CFAP44: variants seen among roughly 807,000 people sequenced by gnomAD.
CFAP44 encodes cilia- and flagella-associated protein 44.
A neutral mutation model predicts 216.2 loss-of-function variants in CFAP44; 134 were observed. The observed-to-expected ratio is 0.62, with a 90% CI of 0.54 to 0.72. CFAP44 has a LOEUF of 0.72. Ranked by LOEUF, CFAP44 falls within the 30% of genes least tolerant of loss-of-function variation. The pLI is 0.00. For missense variants in CFAP44, 2,035 were observed against 2,182.1 expected (o/e 0.93, Z 1.34); for synonymous variants, 700 against 727.6 (o/e 0.96, Z 0.61).
chr3:113,420,085 G>T lies in CFAP44; in HGVS notation c.502C>A (p.Leu168Met). ...ATCTGTTCCTTGGTTTTCAAATTCAGAAAGATCAGTTGGTTCCCAGCTATG... is the reference window on the plus strand; with the variant it reads ...ATCTGTTCCTTGGTTTTCAAATTCATAAAGATCAGTTGGTTCCCAGCTATG... ...IYIAGNQLIF[L>M]NLKTKEQIYL... The change falls in exon 5 of 35, where the codon CTG (leucine) becomes ATG (methionine). Residue 168 changes from leucine (L) to methionine (M), a missense_variant. Leu to Met is a conservative substitution (Grantham distance 15, BLOSUM62 2). Around this residue, in one of 3 missense-constraint regions of CFAP44, gnomAD observed 1,883 missense variants for 2,023.7 expected, o/e 0.93. Transcript: ENST00000393845. 1 of 1,613,940 alleles carries T rather than the reference G, an allele frequency of 6.2e-7. No homozygotes were observed. Among genetic ancestry groups the T allele is most frequent in the African/African-American group, 1.3e-5 (1 of 75,028 alleles).
intron 2 of CFAP44, among the ~76,000 whole-genome samples, chr3:113,433,335 A>G (rs1559949181): frequency 6.7e-6 from 1 of 148,876 alleles, no homozygotes; most frequent in Non-Finnish European, 1.5e-5. Flanking sequence ...AGGCTGAGGC[A>G]GGAGAATCAC....
intron 4 of CFAP44, among the ~76,000 whole-genome samples, chr3:113,422,189 C>G (rs377418753): frequency 6.6e-5 from 10 of 152,214 alleles, no homozygotes; most frequent in Admixed American, 3.3e-4. Context: ...CAGATAGATT[C>G]TTTGTTCACA....
At chr3:113,410,609 C>CATG (rs1934438440) in intron 6 of CFAP44, among the ~76,000 whole-genome samples, 1 of 152,148 alleles carries the variant, frequency 6.6e-6, no homozygotes, top group Admixed American at 6.5e-5. Flanking sequence ...AATGAACATA[C>CATG]ATGTGCATGT....
chr3:113,363,272 T>C lies in CFAP44; in HGVS notation c.2807A>G (p.Lys936Arg), dbSNP rs761245186. 14 of 1,612,648 alleles carry C rather than the reference T, an allele frequency of 8.7e-6. No homozygotes were observed. The highest frequency in any genetic ancestry group is 1.2e-5 in the Non-Finnish European group (14 of 1,179,700). The change falls in exon 21 of 35, where the codon AAG becomes AGG. Residue 936 changes from lysine to arginine, a missense_variant. Around this residue, in one of 3 missense-constraint regions of CFAP44, gnomAD observed 1,883 missense variants for 2,023.7 expected, o/e 0.93. Transcript: ENST00000393845. ...TATTTCTCCCACTTCTTTCATTAACTTGTCATGTTCTCTTTTTCTCCTAGC... is the reference window on the plus strand; with the variant it reads ...TATTTCTCCCACTTCTTTCATTAACCTGTCATGTTCTCTTTTTCTCCTAGC... Reference protein sequence around the residue: ...ENARRKREHDKLMKEVGEIKA... With the variant: ...ENARRKREHDRLMKEVGEIKA...
intron 21 of CFAP44, among the ~76,000 whole-genome samples, chr3:113,359,975 CACAG>C (rs929398250): frequency 2.0e-5 from 3 of 151,652 alleles, no homozygotes; most frequent in African/African-American, 4.9e-5. Flanking sequence ...GAAATAGAAG[CACAG>C]ACAATCAAAT....
Position 113,373,403 on chromosome 3 carries a change from C to G in CFAP44, c.2444+8G>C. On this transcript the variant is annotated splice_region_variant and intron_variant, in intron 18 of 34. Coordinates refer to ENST00000393845, the MANE Select transcript of CFAP44 (RefSeq NM_001164496.2). ...GGTTTTTTTAAAGCTTTTTGAAATA[C>G]TGCTCACTTGAAAGTGATAGTTTGG... The G allele has an allele frequency of 6.5e-7, 1 of 1,538,582 alleles. No homozygotes were observed. The highest frequency in any genetic ancestry group is 8.8e-7 in the Non-Finnish European group (1 of 1,139,450).
chr3:113,431,626 A>C (rs1935108433), intron 2 of CFAP44, among the ~76,000 whole-genome samples: 2 of 152,162 alleles, frequency 1.3e-5, no homozygotes, highest in South Asian at 4.1e-4. Flanking sequence ...GGACAGGAAG[A>C]CTGAGGTAGA....
At chr3:113,329,563 G>A (rs893047610) in intron 26 of CFAP44, among the ~76,000 whole-genome samples, 1 of 152,210 alleles carries the variant, frequency 6.6e-6, no homozygotes, top group African/African-American at 2.4e-5. Flanking sequence ...GAATCTACAT[G>A]GCTGACAGCA....
intron 24 of CFAP44, 45 bp downstream of exon 24, chr3:113,341,699 G>C: frequency 7.2e-7 from 1 of 1,394,902 alleles, no homozygotes; most frequent in Non-Finnish European, 9.3e-7. Flanking sequence ...TTATTTTGGG[G>C]CTCACATATT....
In CFAP44 at chr3:113,381,076, T is replaced by C. The variant is rs770208543; in HGVS notation, c.1891-16A>G. ...TACTTTCAGGCTAAAAAAGAAAAATTGAACATATTTACATTTAGGCAAATT... is the reference window on the plus strand; with the variant it reads ...TACTTTCAGGCTAAAAAAGAAAAATCGAACATATTTACATTTAGGCAAATT... On this transcript the variant is annotated splice_polypyrimidine_tract_variant and intron_variant, in intron 15 of 34. Coordinates refer to ENST00000393845, the MANE Select transcript of CFAP44 (RefSeq NM_001164496.2). 2.6e-6 allele frequency: 4 copies of C among 1,537,850 alleles called. No homozygotes were observed. Among genetic ancestry groups the C allele is most frequent in the Admixed American group, 4.4e-5 (2 of 45,748 alleles).
rs1262330216 is a variant in CFAP44, at chr3:113,327,746, T to C, written c.4190A>G (p.Gln1397Arg). The change falls in exon 27 of 35, where the codon CAG (glutamine) becomes CGG (arginine). Residue 1397 changes from glutamine (Q) to arginine (R), a missense_variant. Around this residue, in one of 3 missense-constraint regions of CFAP44, gnomAD observed 1,883 missense variants for 2,023.7 expected, o/e 0.93. Coordinates refer to ENST00000393845, the MANE Select transcript of CFAP44 (RefSeq NM_001164496.2). ...LRHQKLKLDT[Q>R]MKLSDLHHVT... ...ATGGTGCAGGTCAGATAATTTCATC[T>C]GAGTATCTAGTTTTAGTTTCTGATG... 1 of 1,536,936 alleles carries C rather than the reference T, an allele frequency of 6.5e-7. No individual in the cohort carries two copies. Among genetic ancestry groups the C allele is most frequent in the Non-Finnish European group, 8.7e-7 (1 of 1,146,742 alleles).
intron 2 of CFAP44, among the ~76,000 whole-genome samples, chr3:113,432,902 A>G (rs771908466): frequency 3.3e-5 from 5 of 152,188 alleles, no homozygotes; most frequent in Non-Finnish European, 5.9e-5. Context: ...TGCATCTATC[A>G]GATAATCTAT....
chr3:113,427,029 T>G (rs1934977920), intron 3 of CFAP44, 158 bp downstream of exon 3: 1 of 742,606 alleles, frequency 1.3e-6, no homozygotes, highest in Non-Finnish European at 2.1e-6. Context: ...CTAGGGCTGC[T>G]AAAGTACCCT....
chr3:113,408,197 A>G (rs1255059170), intron 7 of CFAP44, among the ~76,000 whole-genome samples: 2 of 152,204 alleles, frequency 1.3e-5, no homozygotes, highest in African/African-American at 2.4e-5. Context: ...AGTTATGGGA[A>G]GCTCTGGGGT....
intron 32 of CFAP44, among the ~76,000 whole-genome samples, chr3:113,302,752 G>A (rs528099378): frequency 3.3e-5 from 4 of 120,792 alleles, no homozygotes; most frequent in South Asian, 2.8e-4. Flanking sequence ...CAGCCTGGGC[G>A]ATAGAGTGAG....
At chr3:113,359,889 C>T (rs963552656) in intron 21 of CFAP44, among the ~76,000 whole-genome samples, 4 of 152,062 alleles carry the variant, frequency 2.6e-5, no homozygotes, top group African/African-American at 7.2e-5. Context: ...CCCATAGCTA[C>T]AACTAAATTA....
intron 29 of CFAP44, among the ~76,000 whole-genome samples, chr3:113,306,789 A>G (rs1949989618): frequency 6.6e-6 from 1 of 152,226 alleles, no homozygotes; most frequent in African/African-American, 2.4e-5. Flanking sequence ...GGAATACTAA[A>G]ATAGAATTCA....
chr3:113,372,952 T>C (rs1464086103), intron 18 of CFAP44, among the ~76,000 whole-genome samples: 1 of 152,168 alleles, frequency 6.6e-6, no homozygotes, highest in African/African-American at 2.4e-5. Context: ...TGTTTTATTG[T>C]GGCAGCCCTA....
chr3:113,401,343 T>A (rs1934136070), intron 10 of CFAP44, 56 bp from the exon 11 acceptor site: 15 of 1,474,514 alleles, frequency 1.0e-5, no homozygotes, highest in South Asian at 3.8e-5. Context: ...TCAGATTTTT[T>A]AAATGTTCTT....
Sources: allele counts gnomAD v4.1 joint callset (sites outside exome capture counted in the v4.1 genomes callset), GRCh38; gene constraint gnomAD v4.1.1; regional missense constraint gnomAD v4.1.1; transcripts MANE v1.5; gene names NCBI Gene and HGNC (gene_info 2026-07-23, HGNC 2026-07-21).